CEP112: variants seen among roughly 807,000 people sequenced by gnomAD.
CEP112 encodes centrosomal protein 112.
Under a neutral mutation model 153.0 loss-of-function variants are expected in CEP112, and 127 were observed. The observed-to-expected ratio is 0.83, with a 90% CI of 0.72 to 0.96. The LOEUF (loss-of-function observed/expected upper bound fraction) is 0.96. CEP112 is among the 40% of genes least tolerant of loss of function. CEP112 has a pLI of 0.00. For missense variants in CEP112, 1,089 were observed against 1,101.2 expected (o/e 0.99, Z 0.16); for synonymous variants, 358 against 374.4 (o/e 0.96, Z 0.51).
intron 24 of CEP112, among the ~76,000 whole-genome samples, chr17:65,664,254 A>G (rs1378415450): frequency 2.0e-5 from 3 of 152,182 alleles, no homozygotes; most frequent in African/African-American, 7.2e-5. Context: ...CAGGTGAAGG[A>G]AAAACCATGA....
At chr17:65,832,384 C>T (rs2057116866) in intron 21 of CEP112, among the ~76,000 whole-genome samples, 1 of 140,524 alleles carries the variant, frequency 7.1e-6, no homozygotes, top group African/African-American at 2.6e-5. Flanking sequence ...AAAAGCCATT[C>T]AAAAGATCAG....
At chr17:65,770,928 TA>T (rs34049976) in intron 21 of CEP112, among the ~76,000 whole-genome samples, 40,422 of 124,014 alleles carry the variant, frequency 0.33, 7,153 homozygotes, top group Middle Eastern at 0.5. Context: ...GACTCCGTCT[TA>T]AAAAAAAAAA....
rs751099625 is a variant in CEP112 at position 65,750,690 on chromosome 17, T to C, written c.2429A>G (p.Tyr810Cys). Residue 810 changes from tyrosine (Y) to cysteine (C), a missense_variant, in exon 22 of 27, where the codon TAC becomes TGC. Physicochemically the swap from Tyr to Cys is radical, Grantham distance 194. Transcript: ENST00000535342. ...TGAAGATTTGGCAAGCTTCTGAGTG[T>C]ATTCCTTCTCAATCTGCTTCAGCTT... The part of the protein sequence containing the change: ...NSKLKQIEKE[Y>C]TQKLAKSSQI... 4 of 1,613,978 alleles carry C rather than the reference T, an allele frequency of 2.5e-6. No individual in the cohort carries two copies. In the South Asian group the frequency reaches 4.4e-5, roughly 18 times the overall value.
At chr17:66,009,995 A>G (rs12600418) in intron 16 of CEP112, among the ~76,000 whole-genome samples, 62,486 of 152,032 alleles carry the variant, frequency 0.41, 14,305 homozygotes, top group East Asian at 0.87. Context: ...TAATTCTGTG[A>G]AGAATGTCAT....
At chr17:65,745,973 G>A (rs2145194160) in intron 22 of CEP112, among the ~76,000 whole-genome samples, 1 of 152,040 alleles carries the variant, frequency 6.6e-6, no homozygotes, top group South Asian at 2.1e-4. Flanking sequence ...AGACCAGCCT[G>A]GCCAACATGG....
chr17:65,680,179 G>A (rs2047445749), intron 24 of CEP112, among the ~76,000 whole-genome samples: 1 of 152,108 alleles, frequency 6.6e-6, no homozygotes, highest in African/African-American at 2.4e-5. Context: ...ACCTGTGAAT[G>A]CTTTTTGGTG....
Position 66,129,767 on chromosome 17 carries a change from G to A in CEP112, c.621C>T (p.Arg207=). The A allele has an allele frequency of 6.2e-7, 1 of 1,611,394 alleles. No homozygotes were observed. The highest frequency in any genetic ancestry group is 8.5e-7 in the Non-Finnish European group (1 of 1,178,708). The change falls in exon 6 of 27, where the codon CGC becomes CGT. Residue 207 remains arginine (R), a synonymous_variant. Transcript: ENST00000535342. ...TTACCCCAAGATTCCAACTATTAAG[G>A]CGAGCTTCAATGTCACTATCATCCA... ...VSLDDSDIEA[R]LNSWNLGIEN...
chr17:65,812,283 G>A lies in CEP112; in HGVS notation c.2394+39521C>T, dbSNP rs543822652. 2.4e-3 allele frequency among the ~76,000 whole-genome samples: 373 copies of A among 152,294 alleles called. 1 individual carries two copies. The highest frequency in any genetic ancestry group is 3.8e-3 in the Non-Finnish European group (258 of 68,024). On this transcript the variant is annotated intron_variant, in intron 21 of 26. Coordinates refer to ENST00000535342, the MANE Select transcript of CEP112 (RefSeq NM_001199165.4). ...CTCCCAAAGTGCTGGGATTACAGGC[G>A]TAAGCCACCGCACCCGGCCTAAAGA...
chr17:65,998,438 T>C (rs1476081844), intron 17 of CEP112, among the ~76,000 whole-genome samples: 1 of 148,380 alleles, frequency 6.7e-6, no homozygotes, highest in Non-Finnish European at 1.5e-5. Flanking sequence ...GTGGTGATGG[T>C]TACAAAACAC....
chr17:65,836,105 A>T (rs2146171347), intron 21 of CEP112, among the ~76,000 whole-genome samples: 1 of 152,170 alleles, frequency 6.6e-6, no homozygotes, highest in African/African-American at 2.4e-5. Context: ...GGTGGCCACA[A>T]AGCAAAGTAA....
chr17:65,728,437 G>A (rs961511936), intron 23 of CEP112, among the ~76,000 whole-genome samples: 3 of 152,118 alleles, frequency 2.0e-5, no homozygotes, highest in African/African-American at 4.8e-5. Context: ...GAGAAACAAC[G>A]CCATACAGTC....
intron 8 of CEP112, among the ~76,000 whole-genome samples, chr17:66,086,096 T>A (rs181329838): frequency 2.8e-4 from 42 of 151,380 alleles, no homozygotes; most frequent in Admixed American, 2.6e-3. Context: ...TTTTCAGCAA[T>A]AATTATCTCT....
At chr17:66,185,383 C>T (rs375217114) in intron 1 of CEP112, among the ~76,000 whole-genome samples, 9 of 152,156 alleles carry the variant, frequency 5.9e-5, no homozygotes, top group African/African-American at 2.2e-4. Flanking sequence ...CCACCATGCC[C>T]GGCTAACTTT....
chr17:65,856,394 C>T (rs1025043286), intron 20 of CEP112, among the ~76,000 whole-genome samples: 11 of 152,128 alleles, frequency 7.2e-5, no homozygotes, highest in Non-Finnish European at 1.5e-4. Context: ...TTTATCCAAG[C>T]TCAAGCTGAT....
At chr17:66,061,500 CAAT>C (rs2066917720) in intron 11 of CEP112, among the ~76,000 whole-genome samples, 1 of 151,670 alleles carries the variant, frequency 6.6e-6, no homozygotes, top group South Asian at 2.1e-4. Context: ...GCATTATTCA[CAAT>C]AGTCAAGATA....
At chr17:65,676,400 C>T (rs2144143185) in intron 24 of CEP112, among the ~76,000 whole-genome samples, 1 of 150,510 alleles carries the variant, frequency 6.6e-6, no homozygotes, top group East Asian at 1.9e-4. Flanking sequence ...GCAAATCCTA[C>T]CACCCAGAAG....
intron 17 of CEP112, among the ~76,000 whole-genome samples, chr17:65,995,629 C>T (rs113133084): frequency 6.6e-5 from 10 of 152,308 alleles, no homozygotes; most frequent in African/African-American, 2.4e-4. Flanking sequence ...GTAGGCAATA[C>T]AAGAAACAGC....
chr17:65,855,406 G>A (rs1259749652), intron 20 of CEP112, among the ~76,000 whole-genome samples: 1 of 152,118 alleles, frequency 6.6e-6, no homozygotes, highest in East Asian at 1.9e-4. Context: ...CCTTCCAAAG[G>A]CTTCCCTCCA....
At chr17:65,663,571 G>A (rs1267783436) in intron 24 of CEP112, among the ~76,000 whole-genome samples, 1 of 152,182 alleles carries the variant, frequency 6.6e-6, no homozygotes, top group Non-Finnish European at 1.5e-5. Context: ...GTAGTTAGGT[G>A]AGAAAGTGCT....
Sources: allele counts gnomAD v4.1 joint callset (sites outside exome capture counted in the v4.1 genomes callset), GRCh38; gene constraint gnomAD v4.1.1; transcripts MANE v1.5; gene names NCBI Gene and HGNC (gene_info 2026-07-23, HGNC 2026-07-21).